Variants in JMJD1C observed in about 807,000 individuals in gnomAD.
JMJD1C encodes the protein jumonji domain containing 1C.
In JMJD1C, 31 loss-of-function variants were observed where a neutral mutation model predicts 245.3. The ratio of observed to expected loss-of-function variants is 0.13; its 90% CI spans 0.09 to 0.17. The LOEUF (loss-of-function observed/expected upper bound fraction) is 0.17. Ranked by LOEUF, JMJD1C falls within the 10% of genes least tolerant of loss-of-function variation. The pLI is 1.00. For synonymous variants in JMJD1C, 1,057 were observed against 1,017.4 expected (o/e 1.04, Z -0.74); for missense variants, 2,691 against 3,000.2 (o/e 0.90, Z 2.41).
intron 11 of JMJD1C, among the ~76,000 whole-genome samples, chr10:63,200,110 T>C (rs180695012): frequency 7.9e-5 from 12 of 152,286 alleles, no homozygotes; most frequent in African/African-American, 2.4e-4. Flanking sequence ...CAGCTATTCT[T>C]TAGTTGAACT....
At chr10:63,412,211 C>G (rs1376120322) in intron 1 of JMJD1C, among the ~76,000 whole-genome samples, 2 of 151,960 alleles carry the variant, frequency 1.3e-5, no homozygotes, top group African/African-American at 2.4e-5. Flanking sequence ...TACTGTTGAC[C>G]GGAAGTCTTA....
intron 1 of JMJD1C, among the ~76,000 whole-genome samples, chr10:63,398,375 TA>T (rs1406224131): frequency 6.6e-6 from 1 of 152,206 alleles, no homozygotes; most frequent in Non-Finnish European, 1.5e-5. Flanking sequence ...TGTATTTTAC[TA>T]TTCTGTGGCA....
intron 2 of JMJD1C, among the ~76,000 whole-genome samples, chr10:63,304,447 C>A (rs1192129903): frequency 1.3e-5 from 2 of 151,980 alleles, no homozygotes; most frequent in African/African-American, 2.4e-5. Flanking sequence ...ACCAAAAAAA[C>A]CCAGCTCCCT....
intron 13 of JMJD1C, chr10:63,194,695 T>C (rs924916309): frequency 8.8e-6 from 2 of 228,194 alleles, no homozygotes; most frequent in African/African-American, 4.5e-5. Flanking sequence ...TAATCTTCTA[T>C]CTCTTAGCTG....
chr10:63,356,242 T>C (rs1449913565), intron 2 of JMJD1C, among the ~76,000 whole-genome samples: 3 of 152,176 alleles, frequency 2.0e-5, no homozygotes, highest in African/African-American at 7.2e-5. Flanking sequence ...AGACAAACTT[T>C]ACCTACAAAC....
intron 2 of JMJD1C, among the ~76,000 whole-genome samples, chr10:63,346,138 C>A (rs953550294): frequency 6.6e-6 from 1 of 152,064 alleles, no homozygotes; most frequent in African/African-American, 2.4e-5. Context: ...GAACTCCTGG[C>A]CTCAAGAGAT....
Position 63,465,620 on chromosome 10 carries a change from G to C in JMJD1C, c.43C>G (p.Leu15Val), listed in dbSNP as rs1953194813. 2.5e-6 allele frequency: 4 copies of C among 1,610,136 alleles called. No homozygotes were observed. Among genetic ancestry groups the C allele is most frequent in the African/African-American group, 2.7e-5 (2 of 75,026 alleles). The change falls in exon 1 of 26, where the codon CTG (leucine) becomes GTG (valine). Residue 15 changes from leucine to valine, a missense_variant. Around this residue, in one of 9 missense-constraint regions of JMJD1C, gnomAD observed 135 missense variants for 115.5 expected, o/e 1.17. Transcript: ENST00000399262. ...TRAELVGKRF[L>V]CVAVGDEARS... ...GCCTCGTCGCCGACCGCCACACACA[G>C]GAACCGCTTACCCACCAGCTCTGCC...
intron 24 of JMJD1C, among the ~76,000 whole-genome samples, chr10:63,170,042 C>T (rs925436282): frequency 3.9e-5 from 6 of 152,184 alleles, no homozygotes; most frequent in Non-Finnish European, 8.8e-5. Flanking sequence ...GAGAGTAAGT[C>T]TTTCCAAAGT....
At chr10:63,238,079 G>T (rs1242864676) in intron 3 of JMJD1C, among the ~76,000 whole-genome samples, 4 of 147,342 alleles carry the variant, frequency 2.7e-5, no homozygotes, top group Non-Finnish European at 5.9e-5. Context: ...TACTTGGGAG[G>T]CTGAGGCATG....
chr10:63,328,618 A>G (rs118166059), intron 2 of JMJD1C, among the ~76,000 whole-genome samples: 2,307 of 152,340 alleles, frequency 0.015, 27 homozygotes, highest in East Asian at 0.063. Flanking sequence ...TAAATGCATA[A>G]ATATGGGAAC....
At chr10:63,320,510 G>A (rs2134105208) in intron 2 of JMJD1C, among the ~76,000 whole-genome samples, 1 of 152,076 alleles carries the variant, frequency 6.6e-6, no homozygotes, top group East Asian at 1.9e-4. Flanking sequence ...CATACAGGTG[G>A]AAAATACCTA....
intron 1 of JMJD1C, among the ~76,000 whole-genome samples, chr10:63,481,037 G>A (rs1468500137): frequency 6.6e-6 from 1 of 152,192 alleles, no homozygotes; most frequent in Admixed American, 6.5e-5. Context: ...TGCCACTCAT[G>A]TGTTGACATT....
At chr10:63,277,399 T>G (rs1856902670) in intron 2 of JMJD1C, among the ~76,000 whole-genome samples, 1 of 152,054 alleles carries the variant, frequency 6.6e-6, no homozygotes, top group Admixed American at 6.6e-5. Flanking sequence ...TTATGCAGAC[T>G]AAAGTCTCTC....
intron 3 of JMJD1C, among the ~76,000 whole-genome samples, chr10:63,223,451 C>T (rs1848870473): frequency 6.6e-6 from 1 of 151,972 alleles, no homozygotes; most frequent in African/African-American, 2.4e-5. Flanking sequence ...TGGTCTCAAA[C>T]TCCTGGACTC....
chr10:63,304,011 T>C (rs755256456), intron 2 of JMJD1C, among the ~76,000 whole-genome samples: 2 of 152,178 alleles, frequency 1.3e-5, no homozygotes, highest in Non-Finnish European at 2.9e-5. Context: ...TAGAAACAAA[T>C]ACTCTAATGA....
intron 1 of JMJD1C, among the ~76,000 whole-genome samples, chr10:63,471,642 A>G (rs561051490): frequency 7.8e-4 from 119 of 152,372 alleles, no homozygotes; most frequent in Middle Eastern, 3.4e-3. Context: ...ATTAATACAT[A>G]CTAATATAAT....
chr10:63,406,539 G>A (rs1432074618), intron 1 of JMJD1C, among the ~76,000 whole-genome samples: 1 of 151,766 alleles, frequency 6.6e-6, no homozygotes, highest in African/African-American at 2.4e-5. Flanking sequence ...ACACCAAGAG[G>A]TAATTTTATT....
In JMJD1C at chr10:63,192,987, C is replaced by A. The variant is rs567705184; in HGVS notation, c.6027G>T (p.Leu2009=). 2.7e-5 allele frequency: 44 copies of A among 1,614,038 alleles called. No homozygotes were observed. In the East Asian group the frequency reaches 7.6e-4, roughly 28 times the overall value. ...KLTPPESQSP[L]HWLADLAEQK... is the part of the protein sequence containing the mutation. ...GCTCTGCAAGATCTGCTAACCAGTG[C>A]AGTGGTGACTGGGATTCTGGAGGAG... is the stretch of plus-strand genomic sequence containing the variant. Residue 2009 remains leucine, a synonymous_variant, in exon 16 of 26, where the codon CTG becomes CTT. Coordinates refer to ENST00000399262, the MANE Select transcript of JMJD1C (RefSeq NM_032776.3).
At chr10:63,272,432 G>C (rs1856419034) in intron 2 of JMJD1C, among the ~76,000 whole-genome samples, 1 of 152,076 alleles carries the variant, frequency 6.6e-6, no homozygotes. Flanking sequence ...TGTGTTTTTA[G>C]TAGAGACAGG....
Sources: gnomAD v4.1 joint callset for allele counts (sites outside exome capture counted in the v4.1 genomes callset) on GRCh38, gnomAD v4.1.1 for gene constraint, gnomAD v4.1.1 regional missense constraint, MANE v1.5 for transcripts, NCBI Gene and HGNC (gene_info 2026-07-23, HGNC 2026-07-21) for gene names.